The following AGPAT3 variants were observed in gnomAD, a reference collection of about 807,000 sequenced individuals.
The protein encoded by AGPAT3 is 1-acylglycerol-3-phosphate O-acyltransferase 3, also known as 1-acyl-sn-glycerol-3-phosphate acyltransferase gamma.
Under a neutral mutation model 47.3 loss-of-function variants are expected in AGPAT3, and 5 were observed. The ratio of observed to expected loss-of-function variants is 0.11; its 90% CI spans 0.06 to 0.22. AGPAT3 has a LOEUF of 0.22. AGPAT3 is among the 10% of genes least tolerant of loss of function. The probability of loss-of-function intolerance (pLI) is 1.00; values close to 1 mark genes in which losing one functional copy is unlikely to be tolerated. For missense variants in AGPAT3, 315 were observed against 493.0 expected (o/e 0.64, Z 3.42); for synonymous variants, 212 against 208.3 (o/e 1.02, Z -0.15).
intron 1 of AGPAT3, among the ~76,000 whole-genome samples, chr21:43,888,112 C>T (rs540979004): frequency 1.3e-5 from 2 of 152,224 alleles, no homozygotes; most frequent in Non-Finnish European, 2.9e-5. Context: ...ACAGTCGCAG[C>T]TCCCTGCAGC....
chr21:43,901,988 G>A (rs138574007), intron 1 of AGPAT3, among the ~76,000 whole-genome samples: 20 of 152,272 alleles, frequency 1.3e-4, no homozygotes, highest in Non-Finnish European at 2.1e-4. Flanking sequence ...GAAAAGAGGC[G>A]TGTGTGGTAG....
At chr21:43,940,727 C>A in intron 2 of AGPAT3, among the ~76,000 whole-genome samples, 1 of 152,246 alleles carries the variant, frequency 6.6e-6, no homozygotes, top group South Asian at 2.1e-4. Flanking sequence ...GCACCCTGAG[C>A]AGAAAATGCG....
At chr21:43,928,371 C>G (rs961639201) in intron 2 of AGPAT3, among the ~76,000 whole-genome samples, 13 of 152,286 alleles carry the variant, frequency 8.5e-5, no homozygotes, top group African/African-American at 1.2e-4. Context: ...CCCGTCATTC[C>G]GGGGGGCAGC....
rs2089337069 is a variant in AGPAT3 at position 43,970,222 on chromosome 21, G to A, written c.511-431G>A. Among the ~76,000 whole-genome samples the A allele has an allele frequency of 6.6e-6, 1 of 152,066 alleles. No homozygotes were observed. Among genetic ancestry groups the A allele is most frequent in the African/African-American group, 2.4e-5 (1 of 41,386 alleles). On this transcript the variant is annotated intron_variant, in intron 5 of 9. Coordinates refer to ENST00000291572, the MANE Select transcript of AGPAT3 (RefSeq NM_020132.5). The surrounding 1 kb of genome is among the most constrained non-coding windows in gnomAD (Gnocchi z 5.8). Reference sequence around the variant, plus strand: ...GGGGTTTCACCATGTTGGCCAGGCTGGTCTTGAACTCCTGACCTCATGATC... The same window carrying A: ...GGGGTTTCACCATGTTGGCCAGGCTAGTCTTGAACTCCTGACCTCATGATC...
At position 43,952,246 on chromosome 21, in the gene AGPAT3, C is replaced by T. The variant is rs1275237622; in HGVS notation, c.-48-7388C>T. On this transcript the variant is annotated intron_variant, in intron 2 of 9. Coordinates refer to ENST00000291572, the MANE Select transcript of AGPAT3 (RefSeq NM_020132.5). This position sits in a 1 kb window ranked among gnomAD's most constrained non-coding sequence, Gnocchi z 5.6. ...CAAGGATTCCTTCTGAGGCTTCTCACCCGGGCTCTGACTGCAGGCGGTCTC... is the reference window on the plus strand; with the variant it reads ...CAAGGATTCCTTCTGAGGCTTCTCATCCGGGCTCTGACTGCAGGCGGTCTC... Among the ~76,000 whole-genome samples the T allele has an allele frequency of 1.3e-5, 2 of 152,154 alleles. No individual in the cohort carries two copies. Among genetic ancestry groups the T allele is most frequent in the Admixed American group, 6.5e-5 (1 of 15,280 alleles).
intron 1 of AGPAT3, among the ~76,000 whole-genome samples, chr21:43,870,550 T>TAA (rs796183117): frequency 7.1e-6 from 1 of 141,598 alleles, no homozygotes; most frequent in South Asian, 2.2e-4. Flanking sequence ...CATCTCTACT[T>TAA]AAAAAAAAAA....
intron 1 of AGPAT3, among the ~76,000 whole-genome samples, chr21:43,900,578 A>C (rs1397172426): frequency 6.6e-6 from 1 of 152,134 alleles, no homozygotes; most frequent in Non-Finnish European, 1.5e-5. Flanking sequence ...ATGGAAGAAG[A>C]GGGAGTTCCA....
intron 2 of AGPAT3, among the ~76,000 whole-genome samples, chr21:43,943,680 G>A (rs1045249823): frequency 6.6e-6 from 1 of 152,210 alleles, no homozygotes; most frequent in Non-Finnish European, 1.5e-5. Flanking sequence ...AGCCGCCACG[G>A]CCTGTGTCAC....
intron 2 of AGPAT3, among the ~76,000 whole-genome samples, chr21:43,921,469 G>A (rs1239983410): frequency 2.0e-5 from 3 of 152,178 alleles, no homozygotes; most frequent in East Asian, 1.9e-4. Context: ...ATCCTGACCC[G>A]GTGGTCAGGA....
chr21:43,908,915 G>T lies in AGPAT3; in HGVS notation c.-49+4896G>T, dbSNP rs2146075836. On this transcript the variant is annotated intron_variant, in intron 2 of 9. Coordinates refer to ENST00000291572, the MANE Select transcript of AGPAT3 (RefSeq NM_020132.5). This position sits in a 1 kb window ranked among gnomAD's most constrained non-coding sequence, Gnocchi z 4.9. ...CACGGTCCCCGGATGCCCCTGCTGT[G>T]CTCCGAGGTTGGCCTGCGTCTTTTG... 6.6e-6 allele frequency among the ~76,000 whole-genome samples: 1 copy of T among 152,302 alleles called. No homozygotes were observed.
At chr21:43,900,824 G>A (rs1463844856) in intron 1 of AGPAT3, among the ~76,000 whole-genome samples, 1 of 152,134 alleles carries the variant, frequency 6.6e-6, no homozygotes, top group Non-Finnish European at 1.5e-5. Flanking sequence ...GAGCTTACGA[G>A]CGAGATCTGA....
At chr21:43,914,662 GC>G (rs1309646717) in intron 2 of AGPAT3, among the ~76,000 whole-genome samples, 1 of 151,672 alleles carries the variant, frequency 6.6e-6, no homozygotes, top group Non-Finnish European at 1.5e-5. Context: ...CAGTCCTCCT[GC>G]CTCAGCCTCC....
intron 2 of AGPAT3, among the ~76,000 whole-genome samples, chr21:43,949,273 C>T (rs1393151682): frequency 6.6e-6 from 1 of 152,202 alleles, no homozygotes; most frequent in Non-Finnish European, 1.5e-5. Flanking sequence ...TCGGGGGGCC[C>T]TCAATTCTGT....
intron 2 of AGPAT3, among the ~76,000 whole-genome samples, chr21:43,945,337 T>G (rs1176009983): frequency 6.6e-6 from 1 of 152,220 alleles, no homozygotes; most frequent in Non-Finnish European, 1.5e-5. Flanking sequence ...GTTGTCACCC[T>G]AAAGAAAATT....
intron 2 of AGPAT3, among the ~76,000 whole-genome samples, chr21:43,948,609 C>T (rs1601393417): frequency 6.6e-6 from 1 of 152,056 alleles, no homozygotes; most frequent in South Asian, 2.1e-4. Context: ...TTGCAAAAGG[C>T]GGGGTTCTGT....
chr21:43,952,960 G>C lies in AGPAT3; in HGVS notation c.-48-6674G>C, dbSNP rs2088273272. Among the ~76,000 whole-genome samples the C allele has an allele frequency of 6.6e-6, 1 of 152,222 alleles. No homozygotes were observed. Among genetic ancestry groups the C allele is most frequent in the Non-Finnish European group, 1.5e-5 (1 of 68,034 alleles). On this transcript the variant is annotated intron_variant, in intron 2 of 9. Coordinates refer to ENST00000291572, the MANE Select transcript of AGPAT3 (RefSeq NM_020132.5). The surrounding 1 kb of genome is among the most constrained non-coding windows in gnomAD (Gnocchi z 5.6). ...GCTATCTGCTGCGGTCAGGGTGTCA[G>C]TGGTGCCACCATAACCAAGTGAGGC...
intron 2 of AGPAT3, among the ~76,000 whole-genome samples, chr21:43,919,335 T>C (rs1484744526): frequency 6.6e-6 from 1 of 152,162 alleles, no homozygotes; most frequent in Non-Finnish European, 1.5e-5. Flanking sequence ...CCCTGTCCAT[T>C]ATATCACTCT....
Position 43,952,003 on chromosome 21 carries a change from G to A in AGPAT3, c.-48-7631G>A, listed in dbSNP as rs1354453452. ...GAGGAAGAGGGTCACAGGGACCAGCGACGGGGAGGAGGGTCCACATGCTGC... is the reference window on the plus strand; with the variant it reads ...GAGGAAGAGGGTCACAGGGACCAGCAACGGGGAGGAGGGTCCACATGCTGC... On this transcript the variant is annotated intron_variant, in intron 2 of 9. Coordinates refer to ENST00000291572, the MANE Select transcript of AGPAT3 (RefSeq NM_020132.5). This position sits in a 1 kb window ranked among gnomAD's most constrained non-coding sequence, Gnocchi z 5.6. Among the ~76,000 whole-genome samples the A allele has an allele frequency of 1.3e-4, 20 of 152,174 alleles. No individual in the cohort carries two copies. The highest frequency in any genetic ancestry group is 1.2e-3 in the Admixed American group (19 of 15,282).
At chr21:43,879,884 C>T (rs573266168) in intron 1 of AGPAT3, among the ~76,000 whole-genome samples, 75 of 152,272 alleles carry the variant, frequency 4.9e-4, no homozygotes, top group African/African-American at 1.8e-3. Context: ...GCCTTAGGAC[C>T]TCTGGGCACC....
Sources: gnomAD v4.1 joint callset for allele counts (sites outside exome capture counted in the v4.1 genomes callset) on GRCh38, gnomAD v4.1.1 for gene constraint, Gnocchi (gnomAD v3.1) non-coding constraint, MANE v1.5 for transcripts, NCBI Gene and HGNC (gene_info 2026-07-23, HGNC 2026-07-21) for gene names.